ERBB4: variants seen among roughly 807,000 people sequenced by gnomAD.
ERBB4 encodes receptor tyrosine-protein kinase erbB-4.
Under a neutral mutation model 158.0 loss-of-function variants are expected in ERBB4, and 42 were observed. The ratio of observed to expected loss-of-function variants is 0.27; its 90% CI spans 0.21 to 0.34. ERBB4 has a LOEUF of 0.34. Ranked by LOEUF, ERBB4 falls within the 10% of genes least tolerant of loss-of-function variation. The pLI, the probability that ERBB4 is intolerant of heterozygous loss-of-function variation, is 1.00. For missense variants in ERBB4, 1,333 were observed against 1,624.1 expected (o/e 0.82, Z 3.08); for synonymous variants, 583 against 558.7 (o/e 1.04, Z -0.61).
At chr2:211,741,888 C>A (rs541192193) in intron 5 of ERBB4, among the ~76,000 whole-genome samples, 4 of 152,126 alleles carry the variant, frequency 2.6e-5, no homozygotes, top group Non-Finnish European at 5.9e-5. Flanking sequence ...AAGAACACAT[C>A]AGGGAAGATT....
chr2:211,805,119 A>T (rs1010572821), intron 3 of ERBB4, among the ~76,000 whole-genome samples: 1 of 152,092 alleles, frequency 6.6e-6, no homozygotes, highest in African/African-American at 2.4e-5. Flanking sequence ...GGGTTTCACC[A>T]TGTTGGCCAG....
intron 3 of ERBB4, among the ~76,000 whole-genome samples, chr2:211,824,198 T>A (rs886290881): frequency 1.3e-5 from 2 of 152,054 alleles, no homozygotes; most frequent in African/African-American, 4.8e-5. Flanking sequence ...CCTTAAGGTT[T>A]AAGCTGCCTA....
At chr2:212,310,609 ATGTGTGTGTG>A (rs56209146) in intron 1 of ERBB4, among the ~76,000 whole-genome samples, 9 of 143,474 alleles carry the variant, frequency 6.3e-5, no homozygotes, top group South Asian at 2.2e-4. Flanking sequence ...ATATATGTAT[ATGTGTGTGTG>A]TGTGTGTGTG....
intron 2 of ERBB4, among the ~76,000 whole-genome samples, chr2:212,012,258 C>A (rs2076406414): frequency 6.6e-6 from 1 of 152,178 alleles, no homozygotes; most frequent in South Asian, 2.1e-4. Flanking sequence ...GTACATTTTT[C>A]CCTCAAACAT....
At chr2:212,042,127 G>A (rs2077156103) in intron 2 of ERBB4, among the ~76,000 whole-genome samples, 1 of 151,976 alleles carries the variant, frequency 6.6e-6, no homozygotes, top group South Asian at 2.1e-4. Flanking sequence ...AAAGCATTTT[G>A]ATTTCAAATT....
At chr2:211,639,332 C>A (rs2070482912) in intron 16 of ERBB4, among the ~76,000 whole-genome samples, 1 of 152,182 alleles carries the variant, frequency 6.6e-6, no homozygotes, top group Non-Finnish European at 1.5e-5. Context: ...TAATATGAAG[C>A]AATAGAGCAA....
intron 20 of ERBB4, among the ~76,000 whole-genome samples, chr2:211,539,747 T>A (rs2066748933): frequency 6.6e-6 from 1 of 151,974 alleles, no homozygotes; most frequent in African/African-American, 2.4e-5. Flanking sequence ...GTGAATGTGA[T>A]CCTCCCTAAG....
At chr2:212,288,905 T>C (rs960034954) in intron 1 of ERBB4, among the ~76,000 whole-genome samples, 13 of 152,072 alleles carry the variant, frequency 8.5e-5, no homozygotes, top group African/African-American at 2.9e-4. Flanking sequence ...TTTTTCTAGA[T>C]GCAGATGTTA....
chr2:212,423,013 T>A (rs1330430921), intron 1 of ERBB4, among the ~76,000 whole-genome samples: 1 of 152,218 alleles, frequency 6.6e-6, no homozygotes, highest in Non-Finnish European at 1.5e-5. Flanking sequence ...ATATGAATTC[T>A]ATATTCCATA....
chr2:212,487,387 T>A (rs1318865886), intron 1 of ERBB4, among the ~76,000 whole-genome samples: 1 of 152,076 alleles, frequency 6.6e-6, no homozygotes, highest in Non-Finnish European at 1.5e-5. Flanking sequence ...AAAATCCTTA[T>A]CAGAATATAA....
At chr2:211,876,378 G>A (rs1270934152) in intron 3 of ERBB4, among the ~76,000 whole-genome samples, 1 of 152,134 alleles carries the variant, frequency 6.6e-6, no homozygotes, top group Non-Finnish European at 1.5e-5. Context: ...GACAGAGGAA[G>A]GAGAAGAATT....
At chr2:212,244,052 T>A (rs1175381451) in intron 1 of ERBB4, among the ~76,000 whole-genome samples, 2 of 152,090 alleles carry the variant, frequency 1.3e-5, no homozygotes, top group African/African-American at 4.8e-5. Flanking sequence ...ATGTACACGA[T>A]CTTCTAGGGG....
At chr2:211,994,829 C>G (rs1028081517) in intron 2 of ERBB4, among the ~76,000 whole-genome samples, 6 of 152,182 alleles carry the variant, frequency 3.9e-5, no homozygotes, top group African/African-American at 1.4e-4. Flanking sequence ...ACAGAGAAGG[C>G]ATTCTCAGGG....
intron 4 of ERBB4, among the ~76,000 whole-genome samples, chr2:211,758,938 T>G (rs2106234135): frequency 6.6e-6 from 1 of 152,344 alleles, no homozygotes; most frequent in East Asian, 1.9e-4. Flanking sequence ...AAACTTATAC[T>G]TCCAACTGCT....
At chr2:211,513,031 C>T (rs2065920854) in intron 20 of ERBB4, among the ~76,000 whole-genome samples, 1 of 151,840 alleles carries the variant, frequency 6.6e-6, no homozygotes, top group Non-Finnish European at 1.5e-5. Context: ...GAGCTGATTG[C>T]CTATGGTTGG....
intron 1 of ERBB4, among the ~76,000 whole-genome samples, chr2:212,137,500 C>T (rs1425050872): frequency 6.6e-6 from 1 of 152,150 alleles, no homozygotes; most frequent in South Asian, 2.1e-4. Context: ...CTGCCAAGGA[C>T]ATAATCTTGT....
intron 4 of ERBB4, among the ~76,000 whole-genome samples, chr2:211,752,434 T>C (rs1217330521): frequency 6.7e-6 from 1 of 150,202 alleles, no homozygotes; most frequent in Non-Finnish European, 1.5e-5. Context: ...TTTAATTATG[T>C]TTGGGGCTTG....
chr2:212,457,077 G>A (rs1386014903), intron 1 of ERBB4, among the ~76,000 whole-genome samples: 1 of 151,820 alleles, frequency 6.6e-6, no homozygotes, highest in African/African-American at 2.4e-5. Flanking sequence ...ATGGTAAAAC[G>A]GCAGGGGTAC....
chr2:212,079,737 A>T (rs111764926), intron 2 of ERBB4, among the ~76,000 whole-genome samples: 2 of 152,230 alleles, frequency 1.3e-5, no homozygotes, highest in South Asian at 4.2e-4. Flanking sequence ...TTTAAAAAGT[A>T]TGTAAATGAC....
Sources: allele counts gnomAD v4.1 joint callset (sites outside exome capture counted in the v4.1 genomes callset), GRCh38; gene constraint gnomAD v4.1.1; transcripts MANE v1.5; gene names NCBI Gene and HGNC (gene_info 2026-07-23, HGNC 2026-07-21).